Variants in BOLL observed in about 807,000 individuals in gnomAD.
The protein encoded by BOLL is boule RNA binding protein.
A neutral mutation model predicts 44.4 loss-of-function variants in BOLL; 23 were observed. The ratio of observed to expected loss-of-function variants is 0.52; its 90% CI spans 0.37 to 0.73. BOLL has a LOEUF of 0.73. Among genes scored for constraint, BOLL ranks in the 30% least tolerant of loss-of-function variants. The pLI, the probability that BOLL is intolerant of heterozygous loss-of-function variation, is 0.00. For synonymous variants in BOLL, 97 were observed against 110.8 expected (o/e 0.88, Z 0.78); for missense variants, 287 against 338.3 (o/e 0.85, Z 1.19).
Position 197,777,080 on chromosome 2 carries a change from A to C in BOLL, c.255T>G (p.Asp85Glu), listed in dbSNP as rs138416463. 1 of 1,575,604 alleles carries C rather than the reference A, an allele frequency of 6.3e-7. No homozygotes were observed. Among genetic ancestry groups the C allele is most frequent in the Non-Finnish European group, 8.7e-7 (1 of 1,154,594 alleles). The change falls in exon 4 of 11, where the codon GAT (aspartate) becomes GAG (glutamate). Residue 85 changes from aspartate to glutamate, a missense_variant. By Grantham distance (45) the Asp-to-Glu change is conservative. Transcript: ENST00000392296. ...YGFVTFETQE[D>E]AQKILQEAEK... ...ATACCTCTTGTAAAATTTTTTGTGC[A>C]TCTTCTTGTGTTTCAAAAGTGACGA...
intron 9 of BOLL, among the ~76,000 whole-genome samples, chr2:197,746,600 G>A (rs1004708370): frequency 5.9e-5 from 9 of 152,070 alleles, no homozygotes; most frequent in South Asian, 4.1e-4. Flanking sequence ...TGAAAAAGTC[G>A]AACTCATAGA....
chr2:197,746,624 A>T (rs550984706), intron 9 of BOLL, among the ~76,000 whole-genome samples: 2 of 152,304 alleles, frequency 1.3e-5, no homozygotes, highest in East Asian at 3.9e-4. Context: ...AGAGAGGGCC[A>T]GGTGCGGTGG....
At chr2:197,755,023 T>A (rs1475957834) in intron 9 of BOLL, among the ~76,000 whole-genome samples, 1 of 152,080 alleles carries the variant, frequency 6.6e-6, no homozygotes, top group Non-Finnish European at 1.5e-5. Flanking sequence ...ATATCCATAA[T>A]GTACAAGGAA....
intron 4 of BOLL, 108 bp from the exon 5 acceptor site, chr2:197,775,848 T>C: frequency 1.7e-6 from 1 of 603,450 alleles, no homozygotes; most frequent in Non-Finnish European, 2.6e-6. Flanking sequence ...ACTATAATAT[T>C]CTTTCAAAGC....
At chr2:197,748,349 A>T (rs1420442059) in intron 9 of BOLL, among the ~76,000 whole-genome samples, 2 of 152,118 alleles carry the variant, frequency 1.3e-5, no homozygotes, top group Admixed American at 6.5e-5. Context: ...TTTTTTGTTC[A>T]TACCCCAGTG....
At chr2:197,733,362 A>G (rs1221314602) in intron 10 of BOLL, among the ~76,000 whole-genome samples, 1 of 148,228 alleles carries the variant, frequency 6.7e-6, no homozygotes, top group Admixed American at 6.7e-5. Flanking sequence ...GGAAGAATCA[A>G]TATCGTGAAA....
At position 197,732,664 on chromosome 2, in the gene BOLL, A is replaced by G. The variant is rs916654294; in HGVS notation, c.829-4086T>C. ...TGCAAGACTGGTTCAATATACGCAA[A>G]TCAATAAATGTAATCCAGCATATAA... On this transcript the variant is annotated intron_variant, in intron 10 of 10. Transcript: ENST00000392296. Among the ~76,000 whole-genome samples, 74 of 150,628 alleles carry G rather than the reference A, an allele frequency of 4.9e-4. 1 individual carries two copies. Among genetic ancestry groups the G allele is most frequent in the Non-Finnish European group, 7.6e-4 (51 of 67,202 alleles).
Position 197,728,323 on chromosome 2 carries a change from A to G in BOLL, c.*232T>C, listed in dbSNP as rs1002650684. 4.4e-5 allele frequency: 27 copies of G among 610,996 alleles called. No homozygotes were observed. The highest frequency in any genetic ancestry group is 6.9e-5 in the Non-Finnish European group (24 of 349,108). 37.8% of individuals were successfully genotyped at this position (610,996 alleles called of 1,614,324 possible). A position where few individuals can be genotyped will look rare whatever the true frequency, so the allele number is the denominator to read the frequency against. ...AAGGTCATTACAGTTAGGTTAGCAC[A>G]TAAAAAACCAACATGCCACATCTAC... On this transcript the variant is annotated 3_prime_UTR_variant, in exon 11 of 11. Coordinates refer to ENST00000392296, the MANE Select transcript of BOLL (RefSeq NM_033030.6).
At chr2:197,764,871 C>G (rs1326187984) in intron 7 of BOLL, among the ~76,000 whole-genome samples, 1 of 151,998 alleles carries the variant, frequency 6.6e-6, no homozygotes, top group East Asian at 1.9e-4. Flanking sequence ...AATAAAACTG[C>G]CTTAGCATGA....
chr2:197,782,849 C>T (rs1164385300), intron 1 of BOLL, among the ~76,000 whole-genome samples: 1 of 152,160 alleles, frequency 6.6e-6, no homozygotes, highest in Non-Finnish European at 1.5e-5. Flanking sequence ...AAATTATATA[C>T]TTGTAGCTCA....
intron 10 of BOLL, among the ~76,000 whole-genome samples, chr2:197,731,983 GAC>G (rs1185128707): frequency 2.0e-5 from 3 of 150,410 alleles, no homozygotes; most frequent in South Asian, 4.3e-4. Context: ...AGGAAATAGA[GAC>G]ACAAAAAACC....
Position 197,743,098 on chromosome 2 carries a change from G to A in BOLL, c.791C>T (p.Thr264Ile). 1 of 1,606,234 alleles carries A rather than the reference G, an allele frequency of 6.2e-7. No individual in the cohort carries two copies. Among genetic ancestry groups the A allele is most frequent in the South Asian group, 1.1e-5 (1 of 89,874 alleles). The change falls in exon 10 of 11, where the codon ACT becomes ATT. Residue 264 changes from threonine (T) to isoleucine (I), a missense_variant. Coordinates refer to ENST00000392296, the MANE Select transcript of BOLL (RefSeq NM_033030.6). The part of the protein sequence containing the change: ...YHQVYAPSAI[T>I]MPAPVMQPEP... ...AGGCTGCATCACAGGCGCAGGCATA[G>A]TGATGGCACTTGGAGCATAAACCTG... is the stretch of plus-strand genomic sequence containing the variant.
At chr2:197,754,339 G>A (rs1437195770) in intron 9 of BOLL, among the ~76,000 whole-genome samples, 1 of 151,980 alleles carries the variant, frequency 6.6e-6, no homozygotes, top group African/African-American at 2.4e-5. Context: ...AATTGAAACT[G>A]GACCCGTTCC....
intron 2 of BOLL, among the ~76,000 whole-genome samples, chr2:197,780,033 C>G (rs1689696807): frequency 6.6e-6 from 1 of 151,916 alleles, no homozygotes; most frequent in African/African-American, 2.4e-5. Context: ...CTGATTCAAT[C>G]TAAGAAAAAC....
chr2:197,779,906 AG>A (rs1465291991), intron 2 of BOLL, among the ~76,000 whole-genome samples: 1 of 152,040 alleles, frequency 6.6e-6, no homozygotes, highest in Admixed American at 6.6e-5. Flanking sequence ...CACTGCAAAA[AG>A]ACATGCCTTA....
chr2:197,774,453 TAAC>T (rs1297543101), intron 5 of BOLL: 1 of 152,418 alleles, frequency 6.6e-6, no homozygotes, highest in East Asian at 1.9e-4. Context: ...AAAATAGAGA[TAAC>T]AATACATCAT....
intron 1 of BOLL, among the ~76,000 whole-genome samples, chr2:197,783,748 T>C (rs1300128899): frequency 6.6e-6 from 1 of 152,220 alleles, no homozygotes; most frequent in East Asian, 1.9e-4. Flanking sequence ...TCAGAATGGG[T>C]AATTCTGGAA....
chr2:197,780,220 A>AGGGATAGTCT (rs1689704716), intron 2 of BOLL, among the ~76,000 whole-genome samples: 1 of 152,158 alleles, frequency 6.6e-6, no homozygotes, highest in African/African-American at 2.4e-5. Flanking sequence ...AAGCATTAAG[A>AGGGATAGTCT]GGGATAGTCT....
At chr2:197,775,622 C>G in intron 5 of BOLL, 43 bp downstream of exon 5, 2 of 1,216,978 alleles carry the variant, frequency 1.6e-6, no homozygotes, top group Non-Finnish European at 2.3e-6. Context: ...CAAAAAAGAA[C>G]CATGCAAAAA....
Sources: allele counts gnomAD v4.1 joint callset (sites outside exome capture counted in the v4.1 genomes callset), GRCh38; gene constraint gnomAD v4.1.1; transcripts MANE v1.5; gene names NCBI Gene and HGNC (gene_info 2026-07-23, HGNC 2026-07-21).